IQGAP2: variants seen among roughly 807,000 people sequenced by gnomAD.
IQGAP2 encodes IQ motif containing GTPase activating protein 2.
In IQGAP2, 173 loss-of-function variants were observed where a neutral mutation model predicts 201.3. That is an observed-to-expected ratio of 0.86 (90% CI 0.76 to 0.98). The LOEUF is 0.98. Ranked by LOEUF, IQGAP2 falls within the 50% of genes least tolerant of loss-of-function variation. The pLI is 0.00. For synonymous variants in IQGAP2, 675 were observed against 673.9 expected, an observed-to-expected ratio of 1.00 and a Z score of -0.03; for missense variants, 1,687 against 1,864.8, an observed-to-expected ratio of 0.90 and a Z score of 1.76.
At chr5:76,405,862 A>T (rs1750768911) in intron 1 of IQGAP2, among the ~76,000 whole-genome samples, 1 of 152,204 alleles carries the variant, frequency 6.6e-6, no homozygotes, top group East Asian at 1.9e-4. Flanking sequence ...TGGTAAATAC[A>T]GTTTCAGTAA....
intron 5 of IQGAP2, among the ~76,000 whole-genome samples, chr5:76,580,436 G>GAACAA (rs368221905): frequency 2.8e-4 from 42 of 152,040 alleles, no homozygotes; most frequent in Middle Eastern, 3.4e-3. Context: ...CCGTCTCAAA[G>GAACAA]AACAAAACAA....
chr5:76,683,495 A>G (rs1222695954), intron 29 of IQGAP2, among the ~76,000 whole-genome samples: 1 of 152,224 alleles, frequency 6.6e-6, no homozygotes, highest in Non-Finnish European at 1.5e-5. Flanking sequence ...AGAAGCCATC[A>G]ATAAAGAACC....
Position 76,597,394 on chromosome 5 carries a change from T to A in IQGAP2, c.908-45T>A, listed in dbSNP as rs768577429. ...AAGGGCTGGTTGGGTGAGACTGCAG[T>A]GGAAAGAGCAACCATTCTGACAAAA... On this transcript the variant is annotated intron_variant, in intron 9 of 35. Coordinates refer to ENST00000274364, the MANE Select transcript of IQGAP2 (RefSeq NM_006633.5). 40 of 1,604,198 alleles carry A rather than the reference T, an allele frequency of 2.5e-5. No individual in the cohort carries two copies. In the African/African-American group the frequency reaches 4.7e-4, roughly 19 times the overall value.
intron 2 of IQGAP2, among the ~76,000 whole-genome samples, chr5:76,533,781 G>A (rs978865568): frequency 1.3e-5 from 2 of 152,086 alleles, no homozygotes; most frequent in Non-Finnish European, 1.5e-5. Context: ...CTCATGATCC[G>A]CCTGCTTCGG....
intron 34 of IQGAP2, chr5:76,701,961 G>C (rs780714649): frequency 6.5e-6 from 1 of 152,902 alleles, no homozygotes; most frequent in African/African-American, 2.4e-5. Flanking sequence ...TCAGCCTCGC[G>C]AGTAGCTGGG....
chr5:76,451,589 A>G (rs2150115337), intron 1 of IQGAP2, among the ~76,000 whole-genome samples: 1 of 152,368 alleles, frequency 6.6e-6, no homozygotes, highest in African/African-American at 2.4e-5. Flanking sequence ...GGTAAAACTG[A>G]CTAAATATTC....
chr5:76,562,926 G>A (rs963954531), intron 3 of IQGAP2, among the ~76,000 whole-genome samples: 1 of 152,194 alleles, frequency 6.6e-6, no homozygotes, highest in Non-Finnish European at 1.5e-5. Flanking sequence ...AAGTAGGAAG[G>A]TCGAATGATC....
chr5:76,478,548 C>T (rs1755584585), intron 2 of IQGAP2, among the ~76,000 whole-genome samples: 2 of 151,950 alleles, frequency 1.3e-5, no homozygotes, highest in African/African-American at 4.8e-5. Context: ...CTTGGCCTCC[C>T]AAAGTGTTGG....
chr5:76,638,664 A>AT (rs1751335513), intron 16 of IQGAP2, among the ~76,000 whole-genome samples: 1 of 152,180 alleles, frequency 6.6e-6, no homozygotes, highest in Non-Finnish European at 1.5e-5. Flanking sequence ...AATTTCATTC[A>AT]TTTTTTAGTT....
rs1420341256 is a variant in IQGAP2, at chr5:76,619,636, C to T, written c.1522-7774C>T. Among the ~76,000 whole-genome samples, 4 of 151,840 alleles carry T rather than the reference C, an allele frequency of 2.6e-5. 1 individual carries two copies. Among genetic ancestry groups the T allele is most frequent in the Non-Finnish European group, 5.9e-5 (4 of 67,962 alleles). On this transcript the variant is annotated intron_variant, in intron 13 of 35. Coordinates refer to ENST00000274364, the MANE Select transcript of IQGAP2 (RefSeq NM_006633.5). ...GGTTCACGCCATTCTCCTGCCTCAG[C>T]CTCCCCAGTAGCTGGGACTACAAGC...
intron 2 of IQGAP2, among the ~76,000 whole-genome samples, chr5:76,551,654 A>ACCAGCCCAGC (rs140425996): frequency 6.6e-6 from 1 of 151,402 alleles, no homozygotes; most frequent in Non-Finnish European, 1.5e-5. Context: ...AGAGCTGGAG[A>ACCAGCCCAGC]CCAGCCCAGC....
At chr5:76,411,710 A>G (rs1337785665) in intron 1 of IQGAP2, among the ~76,000 whole-genome samples, 6 of 152,186 alleles carry the variant, frequency 3.9e-5, no homozygotes, top group African/African-American at 1.4e-4. Flanking sequence ...AGCCTCCAGA[A>G]CTGTGCGGAA....
At chr5:76,692,010 C>G (rs370393346) in intron 30 of IQGAP2, among the ~76,000 whole-genome samples, 36 of 152,282 alleles carry the variant, frequency 2.4e-4, no homozygotes, top group African/African-American at 7.2e-4. Context: ...TGTAATGACT[C>G]TGAAATAACT....
chr5:76,410,919 C>T (rs1323409846), intron 1 of IQGAP2, among the ~76,000 whole-genome samples: 1 of 152,156 alleles, frequency 6.6e-6, no homozygotes, highest in Non-Finnish European at 1.5e-5. Context: ...ATTTTATAAT[C>T]GTGTATTGTG....
intron 12 of IQGAP2, chr5:76,607,326 C>T (rs1747881047): frequency 6.6e-6 from 1 of 152,164 alleles, no homozygotes; most frequent in Admixed American, 6.5e-5. Context: ...GGCCAAAAGT[C>T]AAGGCCAGTT....
chr5:76,451,164 C>G (rs1433975093), intron 1 of IQGAP2, among the ~76,000 whole-genome samples: 1 of 152,188 alleles, frequency 6.6e-6, no homozygotes, highest in Non-Finnish European at 1.5e-5. Context: ...ATTGGGGTGA[C>G]TTTCTGGTGC....
intron 2 of IQGAP2, among the ~76,000 whole-genome samples, chr5:76,483,568 G>A (rs1355068406): frequency 2.0e-5 from 3 of 152,180 alleles, no homozygotes; most frequent in Non-Finnish European, 4.4e-5. Context: ...GCTCTTACAG[G>A]TGATGTGGGC....
chr5:76,468,600 C>G (rs1754919063), intron 2 of IQGAP2, among the ~76,000 whole-genome samples: 1 of 152,154 alleles, frequency 6.6e-6, no homozygotes, highest in Non-Finnish European at 1.5e-5. Flanking sequence ...CTTCATGAGT[C>G]TCTAGCCTCC....
chr5:76,576,106 ACAAATATAATG>A (rs1347706832), intron 5 of IQGAP2, among the ~76,000 whole-genome samples: 5 of 152,354 alleles, frequency 3.3e-5, no homozygotes, highest in African/African-American at 1.2e-4. Context: ...GACCTAGTTT[ACAAATATAATG>A]CAGATATATC....
Sources: gnomAD v4.1 joint callset for allele counts (sites outside exome capture counted in the v4.1 genomes callset) on GRCh38, gnomAD v4.1.1 for gene constraint, MANE v1.5 for transcripts, NCBI Gene and HGNC (gene_info 2026-07-23, HGNC 2026-07-21) for gene names.